The following MMP26 variants were observed in gnomAD, a reference collection of about 807,000 sequenced individuals.
MMP26 encodes matrix metalloproteinase-26.
Under a neutral mutation model 31.0 loss-of-function variants are expected in MMP26, and 33 were observed. The ratio of observed to expected loss-of-function variants is 1.06; its 90% CI spans 0.81 to 1.42. The LOEUF (loss-of-function observed/expected upper bound fraction) is 1.42, where lower values mean the gene tolerates loss of function less well. Among genes scored for constraint, MMP26 ranks in the 40% most tolerant of loss-of-function variants. The pLI is 0.00. For synonymous variants in MMP26, 122 were observed against 114.9 expected (o/e 1.06, Z -0.40); for missense variants, 347 against 316.1 (o/e 1.10, Z -0.74).
At chr11:4,926,561 A>G (rs1035773170) in intron 2 of MMP26, among the ~76,000 whole-genome samples, 1 of 152,170 alleles carries the variant, frequency 6.6e-6, no homozygotes, top group African/African-American at 2.4e-5. Flanking sequence ...ACTCTGAGCC[A>G]TTTCAGAGTT....
chr11:4,767,544 T>C (rs1848648195), intron 2 of MMP26, among the ~76,000 whole-genome samples: 1 of 152,140 alleles, frequency 6.6e-6, no homozygotes. Context: ...GCTGATAAAC[T>C]GAATATTTAA....
chr11:4,777,080 A>G (rs1162074929), intron 2 of MMP26, among the ~76,000 whole-genome samples: 1 of 152,136 alleles, frequency 6.6e-6, no homozygotes, highest in African/African-American at 2.4e-5. Flanking sequence ...GGTTCTCTTC[A>G]TCCTGATTTT....
chr11:4,802,489 G>A (rs1166308006), intron 2 of MMP26, among the ~76,000 whole-genome samples: 1 of 152,182 alleles, frequency 6.6e-6, no homozygotes, highest in East Asian at 1.9e-4. Flanking sequence ...CCTTGGGACT[G>A]AGAGGTATGG....
In MMP26 at chr11:4,795,385, G is replaced by GT. The variant is rs1313707811; in HGVS notation, c.-145+28044_-145+28045insT. The GT allele has an allele frequency of 2.6e-5, 4 of 152,252 alleles. No individual in the cohort carries two copies. In the East Asian group the frequency reaches 7.7e-4, roughly 29 times the overall value. The allele number at this position is 152,252 out of a possible 1,614,324, so 9.4% of individuals were successfully genotyped here. ...GGGGGAGAAACCTATCCTCTGAAGAGACCAACCAAGTAATAAACACATATT... is the reference window on the plus strand; with the variant it reads ...GGGGGAGAAACCTATCCTCTGAAGAGTACCAACCAAGTAATAAACACATATT... On this transcript the variant is annotated intron_variant, in intron 2 of 7. Coordinates refer to ENST00000380390, the MANE Select transcript of MMP26 (RefSeq NM_021801.5).
chr11:4,987,592 G>A (rs759628189), intron 2 of MMP26, among the ~76,000 whole-genome samples: 26 of 151,854 alleles, frequency 1.7e-4, no homozygotes, highest in Non-Finnish European at 2.1e-4. Context: ...CTAATTTTGT[G>A]TGTTTTTAGT....
chr11:4,978,216 A>C (rs999135047), intron 2 of MMP26, among the ~76,000 whole-genome samples: 3 of 152,072 alleles, frequency 2.0e-5, no homozygotes, highest in Admixed American at 1.3e-4. Context: ...TTCGTTTATA[A>C]ATTAATCAGT....
Position 4,704,883 on chromosome 11 carries a change from T to C in MMP26, c.-379T>C, listed in dbSNP as rs1254371487. On this transcript the variant is annotated 5_prime_UTR_variant, in exon 1 of 8. Transcript: ENST00000380390. The stretch of plus-strand genomic sequence containing the variant: ...TGATCAGGGGCTGATTCCGCAGCTA[T>C]AGTAGTACAGAACCTTTCTGCAAGT... 5 of 152,200 alleles carry C rather than the reference T, an allele frequency of 3.3e-5. No homozygotes were observed. The highest frequency in any genetic ancestry group is 7.3e-5 in the Non-Finnish European group (5 of 68,044). 9.4% of individuals were successfully genotyped at this position (152,200 alleles called of 1,614,324 possible).
intron 2 of MMP26, among the ~76,000 whole-genome samples, chr11:4,931,116 AT>A (rs937084392): frequency 3.9e-5 from 6 of 152,010 alleles, no homozygotes; most frequent in African/African-American, 1.4e-4. Context: ...GCAAGCTTGA[AT>A]TTTTTGAGGA....
chr11:4,909,190 G>A (rs1388446902), intron 2 of MMP26: 1 of 151,822 alleles, frequency 6.6e-6, no homozygotes, highest in Non-Finnish European at 1.5e-5. Flanking sequence ...GATTCCTGCA[G>A]GACACGACAT....
chr11:4,706,278 T>C lies in MMP26; in HGVS notation c.-217+1233T>C, dbSNP rs76566794. Among the ~76,000 whole-genome samples the C allele has an allele frequency of 3.4e-3, 525 of 152,260 alleles. 12 individuals carry two copies. The East Asian group carries it at 0.037, about 11-fold the overall frequency. On this transcript the variant is annotated intron_variant, in intron 1 of 7. Coordinates refer to ENST00000380390, the MANE Select transcript of MMP26 (RefSeq NM_021801.5). ...GTTTACAATATAGCTATTCTATTTATTTTTATTGTGATAAAATCACACTTG... is the reference window on the plus strand; with the variant it reads ...GTTTACAATATAGCTATTCTATTTACTTTTATTGTGATAAAATCACACTTG...
intron 2 of MMP26, among the ~76,000 whole-genome samples, chr11:4,773,452 T>C (rs1848751517): frequency 2.0e-5 from 3 of 152,128 alleles, no homozygotes. Context: ...AAGGAACTAA[T>C]AGAATCTAGC....
rs185592796 is a variant in MMP26 at position 4,867,793 on chromosome 11, A to G, written c.-145+100452A>G. 8.5e-5 allele frequency among the ~76,000 whole-genome samples: 13 copies of G among 152,296 alleles called. No homozygotes were observed. The East Asian group carries it at 2.5e-3, about 29-fold the overall frequency. Reference sequence around the variant, plus strand: ...AAAGGAACACTTTTACACTCTTAGTAGGAGTATAAATTAGTTCAACCATTG... The same window carrying G: ...AAAGGAACACTTTTACACTCTTAGTGGGAGTATAAATTAGTTCAACCATTG... On this transcript the variant is annotated intron_variant, in intron 2 of 7. Coordinates refer to ENST00000380390, the MANE Select transcript of MMP26 (RefSeq NM_021801.5).
chr11:4,911,721 C>A (rs1310384241), intron 2 of MMP26, among the ~76,000 whole-genome samples: 1 of 152,166 alleles, frequency 6.6e-6, no homozygotes, highest in Non-Finnish European at 1.5e-5. Flanking sequence ...TTTATAGAGG[C>A]CTTCCCTGCT....
chr11:4,740,675 C>T (rs533176863), intron 1 of MMP26, among the ~76,000 whole-genome samples: 110 of 140,332 alleles, frequency 7.8e-4, no homozygotes, highest in Non-Finnish European at 1.3e-3. Flanking sequence ...AAGAGTGAGA[C>T]TCTGTCAAAA....
At chr11:4,872,189 A>G (rs887543634) in intron 2 of MMP26, among the ~76,000 whole-genome samples, 1 of 152,080 alleles carries the variant, frequency 6.6e-6, no homozygotes. Context: ...TAAATATTAG[A>G]TTGTTTATTA....
chr11:4,907,294 A>G (rs1178065207), intron 2 of MMP26: 3 of 976,394 alleles, frequency 3.1e-6, no homozygotes, highest in Non-Finnish European at 4.7e-6. Flanking sequence ...CACAAAACTG[A>G]GTTTTAACCA....
At chr11:4,796,448 C>T (rs1195219385) in intron 2 of MMP26, among the ~76,000 whole-genome samples, 2 of 152,160 alleles carry the variant, frequency 1.3e-5, no homozygotes, top group Non-Finnish European at 2.9e-5. Flanking sequence ...TTCCTGACTA[C>T]ATTGTAAGGA....
intron 1 of MMP26, among the ~76,000 whole-genome samples, chr11:4,754,586 T>C (rs1436942085): frequency 6.6e-6 from 1 of 152,010 alleles, no homozygotes; most frequent in East Asian, 1.9e-4. Flanking sequence ...TTTCTACTGT[T>C]TTTACAAACC....
intron 2 of MMP26, among the ~76,000 whole-genome samples, chr11:4,931,298 T>C (rs75341127): frequency 1.3e-5 from 2 of 152,080 alleles, no homozygotes; most frequent in Non-Finnish European, 2.9e-5. Flanking sequence ...TCTGAATTGG[T>C]AAACATCCCA....
Sources: allele counts gnomAD v4.1 joint callset (sites outside exome capture counted in the v4.1 genomes callset), GRCh38; gene constraint gnomAD v4.1.1; transcripts MANE v1.5; gene names NCBI Gene and HGNC (gene_info 2026-07-23, HGNC 2026-07-21).